The following TAFA5 variants were observed in gnomAD, a reference collection of about 807,000 sequenced individuals.
TAFA5 encodes chemokine-like protein TAFA-5.
In TAFA5, 6 loss-of-function variants were observed where a neutral mutation model predicts 15.3. The ratio of observed to expected loss-of-function variants is 0.39; its 90% CI spans 0.21 to 0.77. The LOEUF (loss-of-function observed/expected upper bound fraction) is 0.77. TAFA5 is among the 30% of genes least tolerant of loss of function. The probability of loss-of-function intolerance (pLI) is 0.41; values close to 1 mark genes in which losing one functional copy is unlikely to be tolerated. For missense variants in TAFA5, 161 were observed against 193.1 expected (o/e 0.83, Z 0.98); for synonymous variants, 103 against 80.7 (o/e 1.28, Z -1.48).
intron 1 of TAFA5, among the ~76,000 whole-genome samples, chr22:48,567,618 C>T (rs1026666994): frequency 6.6e-6 from 1 of 152,110 alleles, no homozygotes; most frequent in African/African-American, 2.4e-5. Flanking sequence ...AGGCCTGCTC[C>T]TCCAAAGGTC....
At chr22:48,740,944 C>G (rs1456514745) in intron 3 of TAFA5, among the ~76,000 whole-genome samples, 2 of 152,222 alleles carry the variant, frequency 1.3e-5, no homozygotes, top group African/African-American at 4.8e-5. Flanking sequence ...CAGGTCCCAT[C>G]TGCCTCCTCG....
intron 1 of TAFA5, among the ~76,000 whole-genome samples, chr22:48,567,988 C>T (rs924162743): frequency 6.6e-5 from 10 of 152,224 alleles, no homozygotes; most frequent in East Asian, 3.9e-4. Flanking sequence ...CCGTGGGCAG[C>T]GTCTGTGCCA....
chr22:48,583,117 ACACAT>A (rs1924150280), intron 1 of TAFA5, among the ~76,000 whole-genome samples: 1 of 150,694 alleles, frequency 6.6e-6, no homozygotes, highest in Admixed American at 6.6e-5. Flanking sequence ...CACGCCACAC[ACACAT>A]CACACGCCAC....
At chr22:48,565,026 A>G (rs944341720) in intron 1 of TAFA5, among the ~76,000 whole-genome samples, 20 of 152,320 alleles carry the variant, frequency 1.3e-4, no homozygotes, top group African/African-American at 4.3e-4. Flanking sequence ...TGTGCTCTGC[A>G]CTCTGCCTTC....
intron 2 of TAFA5, among the ~76,000 whole-genome samples, chr22:48,657,525 C>T (rs568825627): frequency 8.5e-5 from 13 of 152,344 alleles, no homozygotes; most frequent in African/African-American, 2.4e-4. Flanking sequence ...TTAACTCACT[C>T]TATGAGGTTG....
At chr22:48,749,276 A>G (rs1930413642) in intron 3 of TAFA5, among the ~76,000 whole-genome samples, 1 of 152,190 alleles carries the variant, frequency 6.6e-6, no homozygotes. Context: ...CTGCTCTTTC[A>G]GATCCCCATC....
In TAFA5 at chr22:48,657,286, T is replaced by G. The variant is rs1293474416; in HGVS notation, c.262+10540T>G. 3.3e-5 allele frequency among the ~76,000 whole-genome samples: 5 copies of G among 152,188 alleles called. No individual in the cohort carries two copies. In the East Asian group the frequency reaches 7.7e-4, roughly 23 times the overall value. On this transcript the variant is annotated intron_variant, in intron 2 of 3. Transcript: ENST00000402357. ...AATACAGTAGATAGTTTAGATGAAA[T>G]AAACGCATTCCTAGAAAGACACAAA... is the stretch of plus-strand genomic sequence containing the variant.
At chr22:48,523,755 G>T (rs1921685987) in intron 1 of TAFA5, among the ~76,000 whole-genome samples, 1 of 152,222 alleles carries the variant, frequency 6.6e-6, no homozygotes, top group Non-Finnish European at 1.5e-5. Flanking sequence ...CTACCAAGAG[G>T]CTTTAGTGGG....
intron 1 of TAFA5, among the ~76,000 whole-genome samples, chr22:48,603,616 T>C (rs73889134): frequency 1.5e-3 from 234 of 152,302 alleles, no homozygotes; most frequent in African/African-American, 5.3e-3. Flanking sequence ...TGCAAGGCAC[T>C]GCCCTGGCCC....
chr22:48,536,474 G>A (rs138860212), intron 1 of TAFA5, among the ~76,000 whole-genome samples: 4 of 152,360 alleles, frequency 2.6e-5, no homozygotes, highest in East Asian at 3.9e-4. Flanking sequence ...CGCACCGCCC[G>A]TGGAGGAACA....
rs1415957441 is a variant in TAFA5, at chr22:48,707,768, G to T, written c.314G>T (p.Gly105Val). ...QWCDMLPCLE[G>V]EGCDLLINRS... ...TGTGACATGCTTCCGTGTCTGGAGG[G>T]GGAAGGCTGCGACTTGTTAATCAAC... Residue 105 changes from glycine to valine, a missense_variant, in exon 3 of 4, where the codon GGG (glycine) becomes GTG (valine). Gly to Val is a moderately radical substitution (Grantham distance 109, BLOSUM62 -3). Coordinates refer to ENST00000402357, the MANE Select transcript of TAFA5 (RefSeq NM_001082967.3). The T allele has an allele frequency of 9.9e-6, 16 of 1,613,942 alleles. No individual in the cohort carries two copies. Among genetic ancestry groups the T allele is most frequent in the Non-Finnish European group, 1.4e-5 (16 of 1,179,874 alleles).
At position 48,586,822 on chromosome 22, in the gene TAFA5, C is replaced by T. The variant is rs898374406; in HGVS notation, c.113-59775C>T. Among the ~76,000 whole-genome samples, 77 of 152,244 alleles carry T rather than the reference C, an allele frequency of 5.1e-4. 2 individuals are homozygous for T. Among genetic ancestry groups the T allele is most frequent in the Admixed American group, 5.0e-3 (76 of 15,288 alleles). ...TCTAGAGAGTTCCTCAAGGATGCAG[C>T]CCCTTTGTCCAGACACTGTTGCAGG... On this transcript the variant is annotated intron_variant, in intron 1 of 3. Transcript: ENST00000402357.
intron 2 of TAFA5, among the ~76,000 whole-genome samples, chr22:48,650,906 C>A (rs771956493): frequency 3.9e-5 from 6 of 152,208 alleles, no homozygotes; most frequent in Non-Finnish European, 8.8e-5. Context: ...TTTATGCAGA[C>A]GCGCCAGGTT....
At chr22:48,632,177 C>T (rs1014297473) in intron 1 of TAFA5, among the ~76,000 whole-genome samples, 14 of 152,190 alleles carry the variant, frequency 9.2e-5, no homozygotes, top group Admixed American at 7.2e-4. Flanking sequence ...CCCACACATG[C>T]AGCTTCCCGG....
intron 1 of TAFA5, among the ~76,000 whole-genome samples, chr22:48,583,794 A>T (rs1039607844): frequency 4.6e-5 from 7 of 151,336 alleles, no homozygotes; most frequent in Admixed American, 3.9e-4. Flanking sequence ...AACATACCAC[A>T]CAGCACACAA....
intron 2 of TAFA5, among the ~76,000 whole-genome samples, chr22:48,691,748 C>A (rs532787272): frequency 6.6e-6 from 1 of 152,240 alleles, no homozygotes; most frequent in Non-Finnish European, 1.5e-5. Context: ...GTGTCTGGCT[C>A]TCTGTGCTGG....
intron 2 of TAFA5, among the ~76,000 whole-genome samples, chr22:48,657,246 G>A (rs1927282689): frequency 6.6e-6 from 1 of 152,176 alleles, no homozygotes; most frequent in South Asian, 2.1e-4. Context: ...GGGATACTAT[G>A]AACAATTGTA....
chr22:48,634,225 T>C (rs934823646), intron 1 of TAFA5, among the ~76,000 whole-genome samples: 1 of 151,864 alleles, frequency 6.6e-6, no homozygotes. Flanking sequence ...CTAACTCACT[T>C]ATTCACTCAT....
At chr22:48,663,286 C>A (rs2147215906) in intron 2 of TAFA5, among the ~76,000 whole-genome samples, 1 of 152,258 alleles carries the variant, frequency 6.6e-6, no homozygotes, top group East Asian at 1.9e-4. Flanking sequence ...CCAGACCCTG[C>A]AGTTGGGGGC....
Sources: gnomAD v4.1 joint callset for allele counts (sites outside exome capture counted in the v4.1 genomes callset) on GRCh38, gnomAD v4.1.1 for gene constraint, MANE v1.5 for transcripts, NCBI Gene and HGNC (gene_info 2026-07-23, HGNC 2026-07-21) for gene names.